NRXN3: variants seen among roughly 807,000 people sequenced by gnomAD.
NRXN3 encodes neurexin III.
In NRXN3, 32 loss-of-function variants were observed where a neutral mutation model predicts 137.6. The ratio of observed to expected loss-of-function variants is 0.23; its 90% CI spans 0.18 to 0.31. NRXN3 has a LOEUF of 0.31. NRXN3 is among the 10% of genes least tolerant of loss of function. NRXN3 has a pLI of 1.00. For synonymous variants in NRXN3, 798 were observed against 784.5 expected (o/e 1.02, Z -0.29); for missense variants, 1,574 against 2,062.5 (o/e 0.76, Z 4.59).
At chr14:79,621,169 A>G (rs2098219855) in intron 16 of NRXN3, among the ~76,000 whole-genome samples, 1 of 152,216 alleles carries the variant, frequency 6.6e-6, no homozygotes, top group Non-Finnish European at 1.5e-5. Flanking sequence ...TGAAATGATG[A>G]CTATTAAGCA....
intron 15 of NRXN3, among the ~76,000 whole-genome samples, chr14:79,300,187 G>C (rs1453477863): frequency 6.6e-6 from 1 of 152,056 alleles, no homozygotes; most frequent in East Asian, 1.9e-4. Flanking sequence ...CAAATGTTAA[G>C]TAATCTGCTC....
chr14:78,486,775 T>C (rs2095566713), intron 4 of NRXN3, among the ~76,000 whole-genome samples: 1 of 152,202 alleles, frequency 6.6e-6, no homozygotes, highest in South Asian at 2.1e-4. Flanking sequence ...TAGAGGGTGA[T>C]GTCAGAGGCT....
chr14:78,248,635 C>T (rs543200356), intron 2 of NRXN3, among the ~76,000 whole-genome samples: 1 of 152,170 alleles, frequency 6.6e-6, no homozygotes, highest in South Asian at 2.1e-4. Flanking sequence ...GTCATTTCCT[C>T]TCCCTCTCCA....
chr14:78,403,822 C>T, intron 4 of NRXN3: 1 of 985,378 alleles, frequency 1.0e-6, no homozygotes, highest in African/African-American at 1.7e-5. Context: ...TGTGCTTTCT[C>T]AGGGATATGC....
chr14:79,178,463 G>A (rs918351894), intron 15 of NRXN3, among the ~76,000 whole-genome samples: 3 of 152,052 alleles, frequency 2.0e-5, no homozygotes, highest in Admixed American at 6.5e-5. Context: ...CTGTGGTATC[G>A]TAGAACAGAA....
intron 16 of NRXN3, among the ~76,000 whole-genome samples, chr14:79,494,504 C>T (rs116202664): frequency 0.011 from 1,699 of 152,248 alleles, 28 homozygotes; most frequent in African/African-American, 0.039. Context: ...TTCTTACCAG[C>T]CTTGCATGAA....
intron 4 of NRXN3, among the ~76,000 whole-genome samples, chr14:78,591,970 G>A (rs1026340976): frequency 2.6e-5 from 4 of 152,148 alleles, no homozygotes; most frequent in South Asian, 4.1e-4. Flanking sequence ...AAAACAATGC[G>A]TAGGCCTCAG....
chr14:78,977,605 G>A (rs1364959053), intron 14 of NRXN3, among the ~76,000 whole-genome samples: 1 of 152,136 alleles, frequency 6.6e-6, no homozygotes, highest in South Asian at 2.1e-4. Context: ...GAGGAAGAAG[G>A]CTTCATGCTA....
At chr14:79,063,022 T>A (rs545443899) in intron 15 of NRXN3, among the ~76,000 whole-genome samples, 71 of 152,294 alleles carry the variant, frequency 4.7e-4, no homozygotes, top group African/African-American at 1.7e-3. Flanking sequence ...TAGGTGAATG[T>A]TAGCAGTTTA....
chr14:78,979,117 G>A (rs147651163), intron 14 of NRXN3, among the ~76,000 whole-genome samples: 260 of 152,132 alleles, frequency 1.7e-3, no homozygotes, highest in African/African-American at 5.9e-3. Context: ...TCACACTGGG[G>A]ACCATCTGCT....
intron 15 of NRXN3, among the ~76,000 whole-genome samples, chr14:79,153,362 AGAG>A (rs2059970054): frequency 6.6e-6 from 1 of 152,056 alleles, no homozygotes; most frequent in Non-Finnish European, 1.5e-5. Flanking sequence ...CATATGTGGA[AGAG>A]AAGCAGAATA....
intron 16 of NRXN3, among the ~76,000 whole-genome samples, chr14:79,624,773 ACTCT>A (rs1187637199): frequency 7.5e-6 from 1 of 134,026 alleles, no homozygotes; most frequent in Non-Finnish European, 1.6e-5. Context: ...AAACTCTTTC[ACTCT>A]CTCTTTCTTT....
rs563195543 is a variant in NRXN3, at chr14:79,766,759, T to G, written c.4015-38353T>G. 7.2e-5 allele frequency among the ~76,000 whole-genome samples: 11 copies of G among 152,288 alleles called. No homozygotes were observed. The South Asian group carries it at 2.3e-3, about 32-fold the overall frequency. ...TATTTACCATGTTATTGGCTGATCT[T>G]AAAGCCAAGCTACAAAGGACTAGTA... On this transcript the variant is annotated intron_variant, in intron 19 of 20. Transcript: ENST00000335750.
intron 4 of NRXN3, among the ~76,000 whole-genome samples, chr14:78,444,828 A>G (rs556993454): frequency 8.0e-5 from 12 of 150,866 alleles, no homozygotes; most frequent in African/African-American, 2.4e-4. Flanking sequence ...CTGAGGCAGA[A>G]GAACCACGTG....
intron 15 of NRXN3, among the ~76,000 whole-genome samples, chr14:79,020,169 C>T (rs1327025172): frequency 2.2e-4 from 1 of 4,610 alleles, no homozygotes; most frequent in Non-Finnish European, 4.6e-4. Flanking sequence ...CTTCCCTTCC[C>T]TTCCCTTCCC....
intron 16 of NRXN3, among the ~76,000 whole-genome samples, chr14:79,511,333 C>G (rs982952495): frequency 5.3e-5 from 8 of 152,192 alleles, no homozygotes; most frequent in African/African-American, 1.9e-4. Context: ...CTCTGCCATT[C>G]ATGTCAGGAT....
chr14:78,335,038 G>A (rs2081296540), intron 4 of NRXN3, among the ~76,000 whole-genome samples: 1 of 152,122 alleles, frequency 6.6e-6, no homozygotes, highest in Non-Finnish European at 1.5e-5. Flanking sequence ...AATGAGGGGA[G>A]GCGTCATCCC....
intron 4 of NRXN3, among the ~76,000 whole-genome samples, chr14:78,347,057 A>C (rs1197690332): frequency 6.6e-6 from 1 of 152,194 alleles, no homozygotes; most frequent in Non-Finnish European, 1.5e-5. Context: ...AAAGAAGTAG[A>C]GGAGTGGAAA....
chr14:79,064,225 G>T (rs2099677835), intron 15 of NRXN3, among the ~76,000 whole-genome samples: 3 of 152,088 alleles, frequency 2.0e-5, no homozygotes, highest in Admixed American at 6.6e-5. Flanking sequence ...GTTTTTCTCC[G>T]ATTTCTCCAC....
Sources: gnomAD v4.1 joint callset for allele counts (sites outside exome capture counted in the v4.1 genomes callset) on GRCh38, gnomAD v4.1.1 for gene constraint, MANE v1.5 for transcripts, NCBI Gene and HGNC (gene_info 2026-07-23, HGNC 2026-07-21) for gene names.